The following BLVRB variants were observed in gnomAD, a reference collection of about 807,000 sequenced individuals.
BLVRB encodes the protein biliverdin reductase B.
In BLVRB, 25 loss-of-function variants were observed where a neutral mutation model predicts 21.1. That is an observed-to-expected ratio of 1.19 (90% CI 0.86 to 1.66). BLVRB has a LOEUF of 1.66. Among genes scored for constraint, BLVRB ranks in the 40% most tolerant of loss-of-function variants. BLVRB has a pLI of 0.00. For synonymous variants in BLVRB, 128 were observed against 122.2 expected (o/e 1.05, Z -0.31); for missense variants, 274 against 282.7 (o/e 0.97, Z 0.22).
chr19:40,457,305 G>C (rs1357875299), intron 3 of BLVRB, among the ~76,000 whole-genome samples: 1 of 152,110 alleles, frequency 6.6e-6, no homozygotes, highest in Non-Finnish European at 1.5e-5. Context: ...AGGCCTCTTT[G>C]CTTGCTTTGT....
At position 40,452,460 on chromosome 19, in the gene BLVRB, G is replaced by A. The variant is rs1196946815; in HGVS notation, c.335-968C>T. Among the ~76,000 whole-genome samples, 8 of 151,506 alleles carry A rather than the reference G, an allele frequency of 5.3e-5. No individual in the cohort carries two copies. The Middle Eastern group carries it at 0.014, about 261-fold the overall frequency. ...CCTGAGGAGCTGGGACCACAGGGGT[G>A]AGCCACCAAACCCCACTATTTTTTT... On this transcript the variant is annotated intron_variant, in intron 3 of 4. Coordinates refer to ENST00000263368, the MANE Select transcript of BLVRB (RefSeq NM_000713.3).
chr19:40,458,188 G>T lies in BLVRB; in HGVS notation c.301C>A (p.His101Asn). Residue 101 changes from histidine (H) to asparagine (N), a missense_variant, in exon 3 of 5, where the codon CAT becomes AAT. By Grantham distance (68) the His-to-Asn change is moderately conservative (BLOSUM62 1). Coordinates refer to ENST00000263368, the MANE Select transcript of BLVRB (RefSeq NM_000713.3). ...ARNIVAAMKA[H>N]GVDKVVACTS... ...CAGGCCACGACCTTGTCCACACCAT[G>T]AGCCTTCATGGCTGCCACAATGTTC... 6.2e-7 allele frequency: 1 copy of T among 1,614,010 alleles called. No homozygotes were observed. The highest frequency in any genetic ancestry group is 8.5e-7 in the Non-Finnish European group (1 of 1,179,992).
intron 3 of BLVRB, among the ~76,000 whole-genome samples, chr19:40,454,145 G>C (rs1177151875): frequency 6.6e-6 from 1 of 152,186 alleles, no homozygotes; most frequent in Admixed American, 6.5e-5. Flanking sequence ...AGCTACTCAG[G>C]AGGATCCCTT....
In BLVRB at chr19:40,451,345, A is replaced by G; in HGVS notation, c.463+19T>C. ...ACAGGCAGATGGCATTGGTGCCACC[A>G]GGTCCCTGCCCTGCTTACCTATGTG... On this transcript the variant is annotated intron_variant, in intron 4 of 4. Coordinates refer to ENST00000263368, the MANE Select transcript of BLVRB (RefSeq NM_000713.3). 6.3e-7 allele frequency: 1 copy of G among 1,591,756 alleles called. No homozygotes were observed. Among genetic ancestry groups the G allele is most frequent in the Non-Finnish European group, 8.6e-7 (1 of 1,169,196 alleles).
rs199581429 is a variant in BLVRB, at chr19:40,458,563, C to CAG, written c.80-20_80-19dup. Reference sequence around the variant, plus strand: ...TTCGTAACCTGTGGGCAAAGAGGAGCAGAGAGCCTGGTCAGTGGGCTGGCA... The same window carrying CAG: ...TTCGTAACCTGTGGGCAAAGAGGAGCAGAGAGAGCCTGGTCAGTGGGCTGGCA... On this transcript the variant is annotated intron_variant, in intron 1 of 4. Transcript: ENST00000263368. 16,418 of 1,579,584 alleles carry CAG rather than the reference C, an allele frequency of 0.01. 111 individuals are homozygous for CAG. Among genetic ancestry groups the CAG allele is most frequent in the Non-Finnish European group, 0.012 (13,913 of 1,160,374 alleles).
intron 3 of BLVRB, among the ~76,000 whole-genome samples, chr19:40,453,470 A>G (rs950742159): frequency 2.0e-5 from 3 of 152,196 alleles, no homozygotes; most frequent in Admixed American, 1.3e-4. Context: ...GGAACATTGT[A>G]GGTACTTACT....
At chr19:40,454,470 G>A (rs1599687530) in intron 3 of BLVRB, among the ~76,000 whole-genome samples, 1 of 151,992 alleles carries the variant, frequency 6.6e-6, no homozygotes, top group Non-Finnish European at 1.5e-5. Context: ...GGTGCAGAGT[G>A]TGAAGTGGGT....
intron 3 of BLVRB, 65 bp downstream of exon 3, chr19:40,458,090 A>G: frequency 6.8e-7 from 1 of 1,473,638 alleles, no homozygotes; most frequent in Non-Finnish European, 9.4e-7. Flanking sequence ...CACCTTTCAG[A>G]GGCCCCTGGG....
intron 4 of BLVRB, among the ~76,000 whole-genome samples, chr19:40,450,645 G>A (rs781060041): frequency 5.1e-4 from 77 of 151,014 alleles, no homozygotes; most frequent in Non-Finnish European, 1.1e-3. Context: ...GATCTCCTGG[G>A]CTCAAGCCAT....
intron 1 of BLVRB, 115 bp downstream of exon 1, chr19:40,465,495 T>C: frequency 7.5e-7 from 1 of 1,335,838 alleles, no homozygotes; most frequent in African/African-American, 1.4e-5. Flanking sequence ...TGAGTCCTCA[T>C]ACACCTGGCT....
chr19:40,450,016 G>A lies in BLVRB; in HGVS notation c.463+1348C>T, dbSNP rs147036972. Among the ~76,000 whole-genome samples, 30 of 144,732 alleles carry A rather than the reference G, an allele frequency of 2.1e-4. No individual in the cohort carries two copies. In the East Asian group the frequency reaches 6.2e-3, roughly 30 times the overall value. The allele number at this position is 144,732 out of a possible 152,430, so 94.9% of individuals were successfully genotyped here. On this transcript the variant is annotated intron_variant, in intron 4 of 4. Coordinates refer to ENST00000263368, the MANE Select transcript of BLVRB (RefSeq NM_000713.3). ...AGATCGAGACCATCTTGGCCAATATGGTGAAACCCCGTCTCTACTAAAAAT... is the reference window on the plus strand; with the variant it reads ...AGATCGAGACCATCTTGGCCAATATAGTGAAACCCCGTCTCTACTAAAAAT...
rs112529789 is a variant in BLVRB at position 40,456,498 on chromosome 19, C to CA, written c.334+1656dup. Among the ~76,000 whole-genome samples the CA allele has an allele frequency of 2.6e-3, 377 of 147,134 alleles. 5 individuals are homozygous for CA. Among genetic ancestry groups the CA allele is most frequent in the African/African-American group, 7.9e-3 (318 of 40,018 alleles). On this transcript the variant is annotated intron_variant, in intron 3 of 4. Transcript: ENST00000263368. ...TTTAATATTTAGAAAACAATCTAAA[C>CA]AAAAAAAAATGAGAAAAAAGAAAGC... is the stretch of plus-strand genomic sequence containing the variant.
At chr19:40,458,831 C>A (rs528528128) in intron 1 of BLVRB, among the ~76,000 whole-genome samples, 2 of 152,050 alleles carry the variant, frequency 1.3e-5, no homozygotes, top group East Asian at 3.9e-4. Context: ...GTAGCTGGGA[C>A]CACAGTGTGC....
chr19:40,455,083 G>A (rs2079757060), intron 3 of BLVRB, among the ~76,000 whole-genome samples: 1 of 151,914 alleles, frequency 6.6e-6, no homozygotes, highest in South Asian at 2.1e-4. Flanking sequence ...CTGGACGCAA[G>A]CAATCCGCCC....
chr19:40,455,672 T>C (rs1285326487), intron 3 of BLVRB, among the ~76,000 whole-genome samples: 1 of 152,200 alleles, frequency 6.6e-6, no homozygotes, highest in Non-Finnish European at 1.5e-5. Flanking sequence ...TATTCCGGCC[T>C]GGGTGACAGA....
chr19:40,459,573 CATT>C (rs1291257063), intron 1 of BLVRB, among the ~76,000 whole-genome samples: 1 of 150,904 alleles, frequency 6.6e-6, no homozygotes, highest in Admixed American at 6.6e-5. Context: ...ACCTGGCTAT[CATT>C]ATTATTTTTT....
chr19:40,457,692 A>G (rs2079767618), intron 3 of BLVRB: 1 of 154,610 alleles, frequency 6.5e-6, no homozygotes, highest in Non-Finnish European at 1.4e-5. Context: ...ATGATTATAC[A>G]GGGCAACTAT....
At chr19:40,463,450 C>T (rs2145784482) in intron 1 of BLVRB, among the ~76,000 whole-genome samples, 1 of 152,332 alleles carries the variant, frequency 6.6e-6, no homozygotes, top group African/African-American at 2.4e-5. Context: ...TGTGGGCAGG[C>T]TGGCACCAGA....
chr19:40,459,730 C>G lies in BLVRB; in HGVS notation c.80-1185G>C, dbSNP rs550923682. 3.3e-5 allele frequency among the ~76,000 whole-genome samples: 5 copies of G among 152,264 alleles called. No homozygotes were observed. The East Asian group carries it at 9.7e-4, about 29-fold the overall frequency. On this transcript the variant is annotated intron_variant, in intron 1 of 4. Transcript: ENST00000263368. Reference sequence around the variant, plus strand: ...GGACTACAGGCGCATGCCACCACATCCAACTAATTTTTGTGTTTCTAGTAG... The same window carrying G: ...GGACTACAGGCGCATGCCACCACATGCAACTAATTTTTGTGTTTCTAGTAG...
Sources: gnomAD v4.1 joint callset for allele counts (sites outside exome capture counted in the v4.1 genomes callset) on GRCh38, gnomAD v4.1.1 for gene constraint, MANE v1.5 for transcripts, NCBI Gene and HGNC (gene_info 2026-07-23, HGNC 2026-07-21) for gene names.